The following CYTIP variants were observed in gnomAD, a reference collection of about 807,000 sequenced individuals.
The protein encoded by CYTIP is cytohesin-interacting protein.
Under a neutral mutation model 43.8 loss-of-function variants are expected in CYTIP, and 26 were observed. That is an observed-to-expected ratio of 0.59 (90% CI 0.44 to 0.82). The LOEUF (loss-of-function observed/expected upper bound fraction) is 0.82. Among genes scored for constraint, CYTIP ranks in the 40% least tolerant of loss-of-function variants. The pLI is 0.00. For synonymous variants in CYTIP, 162 were observed against 162.9 expected, an observed-to-expected ratio of 0.99 and a Z score of 0.04; for missense variants, 426 against 443.1, an observed-to-expected ratio of 0.96 and a Z score of 0.35.
chr2:157,418,048 T>A (rs1330367472), intron 7 of CYTIP, among the ~76,000 whole-genome samples: 1 of 152,252 alleles, frequency 6.6e-6, no homozygotes, highest in African/African-American at 2.4e-5. Context: ...TATGTCTTTG[T>A]CTTGGGGGCC....
At chr2:157,430,505 T>C in intron 5 of CYTIP, 54 bp downstream of exon 5, 3 of 1,479,110 alleles carry the variant, frequency 2.0e-6, no homozygotes, top group Non-Finnish European at 1.9e-6. Flanking sequence ...CTCATCAGGC[T>C]TTATGAGAAA....
chr2:157,442,202 TGA>T (rs1296143969), intron 1 of CYTIP, among the ~76,000 whole-genome samples: 1 of 152,236 alleles, frequency 6.6e-6, no homozygotes, highest in South Asian at 2.1e-4. Flanking sequence ...TTCACTTCGA[TGA>T]GAGTATTCAT....
chr2:157,423,344 A>C (rs1457514330), intron 6 of CYTIP, among the ~76,000 whole-genome samples: 2 of 152,048 alleles, frequency 1.3e-5, no homozygotes, highest in Non-Finnish European at 2.9e-5. Context: ...CTGCAAGAAA[A>C]AAATGGGGGC....
intron 6 of CYTIP, among the ~76,000 whole-genome samples, chr2:157,420,518 AAAAT>A (rs1187674407): frequency 1.3e-5 from 2 of 152,082 alleles, no homozygotes; most frequent in African/African-American, 4.8e-5. Flanking sequence ...CTTTGTCTCA[AAAAT>A]AAATAAATAA....
Position 157,434,704 on chromosome 2 carries a change from G to A in CYTIP, c.218C>T (p.Ser73Phe), listed in dbSNP as rs1203041617. 1 of 1,609,604 alleles carries A rather than the reference G, an allele frequency of 6.2e-7. No individual in the cohort carries two copies. The highest frequency in any genetic ancestry group is 1.7e-5 in the Admixed American group (1 of 59,738). The change falls in exon 2 of 8, where the codon TCT (serine) becomes TTT (phenylalanine). Residue 73 changes from serine to phenylalanine, a missense_variant. Physicochemically the swap from Ser to Phe is radical, Grantham distance 155. Transcript: ENST00000264192. ...AATAATTCAATCTCTTTACCTTTGA[G>A]ACCAGGAAAAGTCACTTAAAGAACT... Reference protein sequence around the residue: ...RSSSLSDFSWSQRKLVTVEKQ... With the variant: ...RSSSLSDFSWFQRKLVTVEKQ...
At chr2:157,430,476 C>T in intron 5 of CYTIP, 83 bp downstream of exon 5, 2 of 1,205,232 alleles carry the variant, frequency 1.7e-6, no homozygotes, top group Non-Finnish European at 2.5e-6. Flanking sequence ...TAATGCTGAA[C>T]AAAAGGCCTA....
chr2:157,431,260 T>C (rs966511382), intron 3 of CYTIP, among the ~76,000 whole-genome samples: 1 of 152,192 alleles, frequency 6.6e-6, no homozygotes, highest in Non-Finnish European at 1.5e-5. Flanking sequence ...TTTTAAAAAT[T>C]GAGTTTCTCA....
chr2:157,430,519 T>C (rs369807419), intron 5 of CYTIP, 40 bp downstream of exon 5: 440 of 1,550,962 alleles, frequency 2.8e-4, no homozygotes, highest in Non-Finnish European at 3.8e-4. Flanking sequence ...TGAGAAAACA[T>C]AACATTTTGA....
intron 1 of CYTIP, chr2:157,439,031 C>T: frequency 3.5e-6 from 1 of 284,166 alleles, no homozygotes; most frequent in South Asian, 3.1e-5. Context: ...AGATATTTCC[C>T]CCACCACTCT....
Position 157,430,572 on chromosome 2 carries a change from C to A in CYTIP, c.463G>T (p.Gly155Ter). 1 of 1,614,036 alleles carries A rather than the reference C, an allele frequency of 6.2e-7. No homozygotes were observed. The highest frequency in any genetic ancestry group is 8.5e-7 in the Non-Finnish European group (1 of 1,179,914). ...KQVVDLIRSS[G>*]NLLTIETLNG... ...ACAGATAGTTACGTTAGCAGGTTTC[C>A]GGACGATCTGATCAGGTCAACGACT... The change falls in exon 5 of 8, where the codon GGA (glycine) becomes TGA (stop). Residue 155 changes from glycine (G) to a stop codon, truncating the protein, a stop_gained. Coordinates refer to ENST00000264192, the MANE Select transcript of CYTIP (RefSeq NM_004288.5). LOFTEE classifies it high-confidence loss of function.
At chr2:157,435,261 T>C (rs891621063) in intron 1 of CYTIP, among the ~76,000 whole-genome samples, 3 of 152,174 alleles carry the variant, frequency 2.0e-5, no homozygotes, top group African/African-American at 7.2e-5. Flanking sequence ...GATGATGAAA[T>C]GACAGTGTTT....
chr2:157,435,868 C>T (rs1685801326), intron 1 of CYTIP, among the ~76,000 whole-genome samples: 1 of 152,118 alleles, frequency 6.6e-6, no homozygotes, highest in Non-Finnish European at 1.5e-5. Flanking sequence ...GATATTAATG[C>T]TTATGTGACA....
At chr2:157,423,567 T>C (rs888350852) in intron 6 of CYTIP, among the ~76,000 whole-genome samples, 1 of 151,674 alleles carries the variant, frequency 6.6e-6, no homozygotes, top group East Asian at 1.9e-4. Context: ...AACAAAATGA[T>C]TCAGATGGTA....
intron 7 of CYTIP, among the ~76,000 whole-genome samples, chr2:157,417,084 C>G (rs954713594): frequency 3.3e-5 from 5 of 152,092 alleles, no homozygotes; most frequent in African/African-American, 1.2e-4. Context: ...ACTGTACACT[C>G]TAAAATGGTT....
chr2:157,425,440 A>C (rs80155270), intron 6 of CYTIP, among the ~76,000 whole-genome samples: 2 of 152,158 alleles, frequency 1.3e-5, no homozygotes, highest in East Asian at 3.9e-4. Flanking sequence ...TACTTTAAAA[A>C]AATTGATACA....
At position 157,416,100 on chromosome 2, in the gene CYTIP, A is replaced by G; in HGVS notation, c.657T>C (p.Asp219=). The change falls in exon 8 of 8, where the codon GAT becomes GAC. Residue 219 remains aspartate (D), a synonymous_variant. Transcript: ENST00000264192. ...NCPSLENMDL[D]ELSLFGPLPG... is the part of the protein sequence containing the mutation. ...GCAGGGGTCCAAACAAAGACAATTC[A>G]TCCAAGTCCATGTTTTCCAAACTGG... The G allele has an allele frequency of 1.2e-6, 2 of 1,613,432 alleles. No homozygotes were observed. The highest frequency in any genetic ancestry group is 1.7e-6 in the Non-Finnish European group (2 of 1,179,738).
chr2:157,415,649 A>C lies in CYTIP; in HGVS notation c.*28T>G. Reference sequence around the variant, plus strand: ...TGAGTCTAGAGATATTTGTGAAATAAGCTAATTTGAAAGGACACCACAATC... The same window carrying C: ...TGAGTCTAGAGATATTTGTGAAATACGCTAATTTGAAAGGACACCACAATC... On this transcript the variant is annotated 3_prime_UTR_variant, in exon 8 of 8. Transcript: ENST00000264192. The C allele has an allele frequency of 6.7e-7, 1 of 1,481,974 alleles. No individual in the cohort carries two copies. The highest frequency in any genetic ancestry group is 9.3e-7 in the Non-Finnish European group (1 of 1,079,114). 91.8% of individuals were successfully genotyped at this position (1,481,974 alleles called of 1,614,324 possible).
chr2:157,434,015 T>C (rs1367898271), intron 3 of CYTIP: 1 of 281,572 alleles, frequency 3.6e-6, no homozygotes, highest in Non-Finnish European at 6.7e-6. Context: ...ACAATATGAT[T>C]ATACAAAACA....
At chr2:157,439,479 C>T (rs916412245) in intron 1 of CYTIP, 1 of 152,060 alleles carries the variant, frequency 6.6e-6, no homozygotes, top group Non-Finnish European at 1.5e-5. Flanking sequence ...AAAGTCTTTC[C>T]TGCCCCGCTT....
Sources: allele counts gnomAD v4.1 joint callset (sites outside exome capture counted in the v4.1 genomes callset), GRCh38; gene constraint gnomAD v4.1.1; transcripts MANE v1.5; gene names NCBI Gene and HGNC (gene_info 2026-07-23, HGNC 2026-07-21).